The following BUB1B variants were observed in gnomAD, a reference collection of about 807,000 sequenced individuals.
BUB1B encodes mitotic checkpoint serine/threonine-protein kinase BUB1 beta.
A neutral mutation model predicts 137.7 loss-of-function variants in BUB1B; 86 were observed. The observed-to-expected ratio is 0.62, with a 90% CI of 0.52 to 0.75. BUB1B has a LOEUF of 0.75. Among genes scored for constraint, BUB1B ranks in the 30% least tolerant of loss-of-function variants. The pLI is 0.00. For synonymous variants in BUB1B, 420 were observed against 417.9 expected (o/e 1.00, Z -0.06); for missense variants, 1,130 against 1,236.9 (o/e 0.91, Z 1.30).
rs117108614 is a variant in BUB1B, at chr15:40,184,147, T to C, written c.751+264T>C. Among the ~76,000 whole-genome samples, 28 of 152,298 alleles carry C rather than the reference T, an allele frequency of 1.8e-4. 1 individual carries two copies. In the East Asian group the frequency reaches 5.2e-3, roughly 28 times the overall value. ...TTGAATTGTTAGTTGAAAGAAGATA[T>C]GTAGTAACATAGCAGGTGTTGTTAA... On this transcript the variant is annotated intron_variant, in intron 6 of 22. Coordinates refer to ENST00000287598, the MANE Select transcript of BUB1B (RefSeq NM_001211.6).
chr15:40,162,416 G>C (rs1171481900), intron 1 of BUB1B, among the ~76,000 whole-genome samples: 1 of 152,202 alleles, frequency 6.6e-6, no homozygotes, highest in East Asian at 1.9e-4. Flanking sequence ...TCTGACTTGG[G>C]TTTAAATGGG....
chr15:40,166,894 T>C (rs2037105395), intron 2 of BUB1B, among the ~76,000 whole-genome samples: 1 of 152,192 alleles, frequency 6.6e-6, no homozygotes, highest in South Asian at 2.1e-4. Flanking sequence ...ATGGTGAACG[T>C]TTTTTCACAT....
intron 14 of BUB1B, among the ~76,000 whole-genome samples, chr15:40,205,266 A>G (rs2037624152): frequency 6.6e-6 from 1 of 151,984 alleles, no homozygotes; most frequent in Non-Finnish European, 1.5e-5. Flanking sequence ...TTTTTTAACT[A>G]TACTTTGTTT....
chr15:40,165,034 T>C lies in BUB1B; in HGVS notation c.36-19T>C. On this transcript the variant is annotated intron_variant, in intron 1 of 22. Transcript: ENST00000287598. ...AGTCAATGTTGGTATGAGATTTACA[T>C]TTGTTTCCTTCTTCACAGTGAAGCC... 1 of 1,611,832 alleles carries C rather than the reference T, an allele frequency of 6.2e-7. No individual in the cohort carries two copies. The highest frequency in any genetic ancestry group is 8.5e-7 in the Non-Finnish European group (1 of 1,179,976).
chr15:40,199,625 G>A lies in BUB1B; in HGVS notation c.1299G>A (p.Leu433=). 6.2e-7 allele frequency: 1 copy of A among 1,613,822 alleles called. No individual in the cohort carries two copies. The highest frequency in any genetic ancestry group is 8.5e-7 in the Non-Finnish European group (1 of 1,179,800). Residue 433 remains leucine, a synonymous_variant, in exon 10 of 23, where the codon TTG becomes TTA. Transcript: ENST00000287598. The stretch of plus-strand genomic sequence containing the variant: ...CTTTACTGTTTCTAGCCGAGCTATT[G>A]ACCAGTGCAGAGAAGAGAGCAGAAA... ...KLKEQREAEL[L]TSAEKRAEMQ... is the part of the protein sequence containing the mutation.
Position 40,161,082 on chromosome 15 carries a change from GGCCGGTT to G in BUB1B, c.-138_-132del. 1.7e-6 allele frequency: 2 copies of G among 1,161,370 alleles called. No homozygotes were observed. Among genetic ancestry groups the G allele is most frequent in the Non-Finnish European group, 2.4e-6 (2 of 823,470 alleles). 71.9% of individuals were successfully genotyped at this position (1,161,370 alleles called of 1,614,324 possible). ...GCGGCTAGGGGTGTGGGCTTGAGGT[GGCCGGTT>G]TGTTAGGGAGTCGTGTACGTGCCTT... On this transcript the variant is annotated 5_prime_UTR_variant, in exon 1 of 23. Transcript: ENST00000287598.
intron 5 of BUB1B, among the ~76,000 whole-genome samples, chr15:40,179,967 CATATAT>C (rs34339420): frequency 2.8e-5 from 4 of 143,538 alleles, no homozygotes; most frequent in African/African-American, 2.6e-5. Flanking sequence ...TTTCAAAAGC[CATATAT>C]ATATATATAT....
At chr15:40,184,997 T>C (rs2037341193) in intron 6 of BUB1B, among the ~76,000 whole-genome samples, 168 bp from the exon 7 acceptor site, 1 of 152,150 alleles carries the variant, frequency 6.6e-6, no homozygotes, top group Non-Finnish European at 1.5e-5. Flanking sequence ...AAAACGATTC[T>C]ATTTTTGATT....
chr15:40,199,821 AT>A, intron 10 of BUB1B, 94 bp downstream of exon 10: 1 of 985,428 alleles, frequency 1.0e-6, no homozygotes, highest in Non-Finnish European at 1.6e-6. Context: ...CCCAACCCCC[AT>A]TTAGAGTTTC....
At chr15:40,190,566 G>A (rs1461317053) in intron 8 of BUB1B, among the ~76,000 whole-genome samples, 1 of 152,106 alleles carries the variant, frequency 6.6e-6, no homozygotes, top group East Asian at 1.9e-4. Context: ...GTGAGCCAGG[G>A]TCACGCCACT....
In BUB1B at chr15:40,161,251, C is replaced by G. The variant is rs776214483; in HGVS notation, c.31C>G (p.Leu11Val). Residue 11 changes from leucine (L) to valine (V), a missense_variant, in exon 1 of 23, where the codon CTG becomes GTG. By Grantham distance (32) the Leu-to-Val change is conservative. Coordinates refer to ENST00000287598, the MANE Select transcript of BUB1B (RefSeq NM_001211.6). MAAVKKEGGA[L>V]SEAMSLEGDE... Reference sequence around the variant, plus strand: ...GGCGGTGAAGAAGGAAGGGGGTGCTCTGAGGTAGGTACGGGAGAAAGCTGC... The same window carrying G: ...GGCGGTGAAGAAGGAAGGGGGTGCTGTGAGGTAGGTACGGGAGAAAGCTGC... 6.2e-7 allele frequency: 1 copy of G among 1,612,708 alleles called. No individual in the cohort carries two copies. The highest frequency in any genetic ancestry group is 8.5e-7 in the Non-Finnish European group (1 of 1,179,352).
At position 40,172,203 on chromosome 15, in the gene BUB1B, TAAG is replaced by T. The variant is rs760568601; in HGVS notation, c.384+1525_384+1527del. 2.8e-3 allele frequency among the ~76,000 whole-genome samples: 428 copies of T among 151,936 alleles called. 1 individual carries two copies. The highest frequency in any genetic ancestry group is 4.8e-3 in the Non-Finnish European group (326 of 67,942). On this transcript the variant is annotated intron_variant, in intron 4 of 22. Transcript: ENST00000287598. Reference sequence around the variant, plus strand: ...TTCTTACTAAAATAAAGTAATAAAGTAAGAAATAAATTTCTTACTAAAATAAAG... The same window carrying T: ...TTCTTACTAAAATAAAGTAATAAAGTAAATAAATTTCTTACTAAAATAAAG...
rs751998929 is a variant in BUB1B at position 40,196,731 on chromosome 15, T to C, written c.1245T>C (p.Ile415=). Residue 415 remains isoleucine, a synonymous_variant, in exon 9 of 23, where the codon ATT becomes ATC. Coordinates refer to ENST00000287598, the MANE Select transcript of BUB1B (RefSeq NM_001211.6). ...TAGGGGAATTCTCCTTTGAAGAAAT[T>C]CGGGCTGAAGTTTTCCGGAAGAAAT... is the stretch of plus-strand genomic sequence containing the variant. ...AGVGEFSFEE[I]RAEVFRKKLK... The C allele has an allele frequency of 1.2e-6, 2 of 1,614,054 alleles. No individual in the cohort carries two copies. Among genetic ancestry groups the C allele is most frequent in the South Asian group, 2.2e-5 (2 of 91,078 alleles).
intron 12 of BUB1B, 52 bp from the exon 13 acceptor site, chr15:40,202,353 G>C (rs776377050): frequency 7.1e-7 from 1 of 1,407,834 alleles, no homozygotes; most frequent in Non-Finnish European, 1.0e-6. Context: ...TGGTTGTCTT[G>C]AAGAGTAAAG....
At chr15:40,211,826 T>G (rs1348850418) in intron 18 of BUB1B, among the ~76,000 whole-genome samples, 2 of 149,948 alleles carry the variant, frequency 1.3e-5, no homozygotes, top group South Asian at 2.1e-4. Flanking sequence ...GTTTTTTTGT[T>G]TTTTTTTTTC....
intron 4 of BUB1B, among the ~76,000 whole-genome samples, chr15:40,175,712 C>G (rs550284071): frequency 1.3e-5 from 2 of 152,314 alleles, no homozygotes; most frequent in Middle Eastern, 3.4e-3. Flanking sequence ...CACCCTAACA[C>G]ATACAACAAT....
At chr15:40,173,781 G>A (rs764472927) in intron 4 of BUB1B, among the ~76,000 whole-genome samples, 2 of 152,192 alleles carry the variant, frequency 1.3e-5, no homozygotes, top group Admixed American at 6.5e-5. Context: ...TCTGAACTTT[G>A]TATGTGGCTA....
chr15:40,203,741 A>C (rs1234841877), intron 14 of BUB1B, among the ~76,000 whole-genome samples: 2 of 152,196 alleles, frequency 1.3e-5, no homozygotes, highest in Non-Finnish European at 2.9e-5. Flanking sequence ...ATGACATAAT[A>C]CTTAAGGTAA....
intron 8 of BUB1B, among the ~76,000 whole-genome samples, chr15:40,193,851 G>C (rs1164442695): frequency 1.3e-5 from 2 of 150,382 alleles, no homozygotes; most frequent in East Asian, 3.9e-4. Flanking sequence ...CTGCGATCAT[G>C]CCATTGCACT....
Sources: allele counts gnomAD v4.1 joint callset (sites outside exome capture counted in the v4.1 genomes callset), GRCh38; gene constraint gnomAD v4.1.1; transcripts MANE v1.5; gene names NCBI Gene and HGNC (gene_info 2026-07-23, HGNC 2026-07-21).